NEGR1: variants seen among roughly 807,000 people sequenced by gnomAD.
NEGR1 encodes IgLON family member 4.
A neutral mutation model predicts 40.9 loss-of-function variants in NEGR1; 10 were observed. That is an observed-to-expected ratio of 0.24 (90% CI 0.15 to 0.42). The LOEUF is 0.42. Ranked by LOEUF, NEGR1 falls within the 10% of genes least tolerant of loss-of-function variation. The pLI, the probability that NEGR1 is intolerant of heterozygous loss-of-function variation, is 1.00. For synonymous variants in NEGR1, 185 were observed against 166.8 expected (o/e 1.11, Z -0.84); for missense variants, 352 against 438.9 (o/e 0.80, Z 1.77).
intron 6 of NEGR1, among the ~76,000 whole-genome samples, chr1:71,491,966 A>T (rs151007673): frequency 6.6e-6 from 1 of 152,194 alleles, no homozygotes; most frequent in African/African-American, 2.4e-5. Flanking sequence ...TTCACATTTC[A>T]TGAATGAGAT....
At chr1:72,167,420 C>T (rs1651807065) in intron 1 of NEGR1, among the ~76,000 whole-genome samples, 1 of 151,796 alleles carries the variant, frequency 6.6e-6, no homozygotes, top group Non-Finnish European at 1.5e-5. Flanking sequence ...ATAATTCTCA[C>T]AATATTATCA....
chr1:72,130,983 A>T (rs762927432), intron 1 of NEGR1, among the ~76,000 whole-genome samples: 1 of 152,194 alleles, frequency 6.6e-6, no homozygotes, highest in African/African-American at 2.4e-5. Flanking sequence ...TGCTTAATAG[A>T]GAAACATGTA....
At chr1:72,273,508 T>C (rs565721560) in intron 1 of NEGR1, among the ~76,000 whole-genome samples, 1 of 152,086 alleles carries the variant, frequency 6.6e-6, no homozygotes, top group East Asian at 1.9e-4. Flanking sequence ...TTCAAAATCT[T>C]ACAACAACTA....
intron 2 of NEGR1, among the ~76,000 whole-genome samples, chr1:71,934,232 A>G (rs1018152455): frequency 2.6e-5 from 4 of 152,062 alleles, no homozygotes; most frequent in Admixed American, 6.6e-5. Context: ...GGTAAAAAAT[A>G]AACGTTTTCC....
intron 6 of NEGR1, among the ~76,000 whole-genome samples, chr1:71,549,849 T>C (rs762048420): frequency 4.0e-5 from 6 of 151,644 alleles, no homozygotes; most frequent in Non-Finnish European, 5.9e-5. Context: ...TTGACTACCA[T>C]TGAAAGCTCA....
intron 1 of NEGR1, among the ~76,000 whole-genome samples, chr1:72,164,617 A>T (rs937273238): frequency 1.3e-5 from 2 of 152,050 alleles, no homozygotes; most frequent in South Asian, 4.1e-4. Flanking sequence ...TGCTTTCAGA[A>T]TTTTTACACT....
At chr1:71,922,749 T>G (rs918124283) in intron 2 of NEGR1, among the ~76,000 whole-genome samples, 1 of 152,208 alleles carries the variant, frequency 6.6e-6, no homozygotes, top group Non-Finnish European at 1.5e-5. Flanking sequence ...GAATATCTAC[T>G]CTGAGTTGGA....
Position 71,592,903 on chromosome 1 carries a change from G to T in NEGR1, c.854C>A (p.Thr285Asn), listed in dbSNP as rs1205393038. The part of the protein sequence containing the change: ...NFSTRSILTV[T>N]NVTQEHFGNY... ...GCCGAAGTGCTCCTGTGTCACGTTG[G>T]TAACAGTGAGAATGGATCTTGTGCT... The change falls in exon 6 of 7, where the codon ACC (threonine) becomes AAC (asparagine). Residue 285 changes from threonine to asparagine, a missense_variant. Coordinates refer to ENST00000357731, the MANE Select transcript of NEGR1 (RefSeq NM_173808.3). The T allele has an allele frequency of 1.9e-6, 3 of 1,609,660 alleles. No homozygotes were observed. Among genetic ancestry groups the T allele is most frequent in the Non-Finnish European group, 2.6e-6 (3 of 1,176,154 alleles).
At chr1:71,704,164 C>T (rs1380794683) in intron 3 of NEGR1, among the ~76,000 whole-genome samples, 1 of 30,444 alleles carries the variant, frequency 3.3e-5, no homozygotes, top group Non-Finnish European at 6.1e-5. Context: ...CTCTCTCTGT[C>T]ACACACACAC....
At chr1:72,064,510 G>A (rs766767032) in intron 1 of NEGR1, among the ~76,000 whole-genome samples, 2 of 152,040 alleles carry the variant, frequency 1.3e-5, no homozygotes, top group Non-Finnish European at 2.9e-5. Context: ...AGAACACAGT[G>A]GCCCTGAGCA....
chr1:71,508,858 C>T lies in NEGR1; in HGVS notation c.940+83959G>A, dbSNP rs180799022. Among the ~76,000 whole-genome samples, 4 of 152,236 alleles carry T rather than the reference C, an allele frequency of 2.6e-5. No homozygotes were observed. In the East Asian group the frequency reaches 7.7e-4, roughly 29 times the overall value. The stretch of plus-strand genomic sequence containing the variant: ...CCTATACTTATCACCATGAACAATC[C>T]AGCCATTCTAAACCAAGAACCAAAA... On this transcript the variant is annotated intron_variant, in intron 6 of 6. Transcript: ENST00000357731.
At chr1:71,524,414 T>C (rs1647193216) in intron 6 of NEGR1, among the ~76,000 whole-genome samples, 1 of 151,314 alleles carries the variant, frequency 6.6e-6, no homozygotes, top group Non-Finnish European at 1.5e-5. Flanking sequence ...TTGATAAATA[T>C]AATCTTTTCA....
intron 2 of NEGR1, among the ~76,000 whole-genome samples, chr1:71,913,045 T>A (rs1294838606): frequency 2.6e-5 from 4 of 152,138 alleles, no homozygotes; most frequent in Admixed American, 2.6e-4. Flanking sequence ...CCACAATATA[T>A]CCTAAATTCA....
chr1:72,040,886 A>G (rs1285918134), intron 1 of NEGR1, among the ~76,000 whole-genome samples: 2 of 151,964 alleles, frequency 1.3e-5, no homozygotes, highest in Admixed American at 1.3e-4. Context: ...AATCTTCAAC[A>G]TTCCTCTGTC....
intron 1 of NEGR1, among the ~76,000 whole-genome samples, chr1:72,024,755 G>A (rs1346940511): frequency 2.6e-5 from 4 of 152,146 alleles, no homozygotes; most frequent in Middle Eastern, 3.2e-3. Context: ...TACTGTCAAA[G>A]GAAAGATTCA....
At chr1:71,842,138 G>T (rs534464684) in intron 2 of NEGR1, among the ~76,000 whole-genome samples, 1 of 152,258 alleles carries the variant, frequency 6.6e-6, no homozygotes, top group South Asian at 2.1e-4. Flanking sequence ...AGTTCCCATT[G>T]ATCATGATAT....
At chr1:71,771,054 A>G (rs1171726194) in intron 3 of NEGR1, among the ~76,000 whole-genome samples, 1 of 152,232 alleles carries the variant, frequency 6.6e-6, no homozygotes, top group Non-Finnish European at 1.5e-5. Flanking sequence ...ACCAACCCAA[A>G]TGCCCATCAA....
intron 2 of NEGR1, among the ~76,000 whole-genome samples, chr1:71,879,175 C>A (rs1282073852): frequency 6.6e-6 from 1 of 151,554 alleles, no homozygotes; most frequent in African/African-American, 2.4e-5. Context: ...GCATGAAAAC[C>A]CTATCTATTT....
chr1:71,697,500 C>A (rs1452237688), intron 4 of NEGR1, among the ~76,000 whole-genome samples: 3 of 151,810 alleles, frequency 2.0e-5, no homozygotes, highest in Non-Finnish European at 4.4e-5. Flanking sequence ...AACTTCTTAA[C>A]AACAATGCTT....
Sources: gnomAD v4.1 joint callset for allele counts (sites outside exome capture counted in the v4.1 genomes callset) on GRCh38, gnomAD v4.1.1 for gene constraint, MANE v1.5 for transcripts, NCBI Gene and HGNC (gene_info 2026-07-23, HGNC 2026-07-21) for gene names.